Variants in MECOM observed in about 807,000 individuals in gnomAD.
The protein encoded by MECOM is histone-lysine N-methyltransferase MECOM.
A neutral mutation model predicts 116.3 loss-of-function variants in MECOM; 13 were observed. The ratio of observed to expected loss-of-function variants is 0.11; its 90% CI spans 0.07 to 0.18. The LOEUF (loss-of-function observed/expected upper bound fraction) is 0.18. Ranked by LOEUF, MECOM falls within the 10% of genes least tolerant of loss-of-function variation. The pLI, the probability that MECOM is intolerant of heterozygous loss-of-function variation, is 1.00. For synonymous variants in MECOM, 528 were observed against 535.2 expected (o/e 0.99, Z 0.19); for missense variants, 1,299 against 1,509.0 (o/e 0.86, Z 2.31).
chr3:169,603,946 G>A (rs969678088), intron 1 of MECOM, among the ~76,000 whole-genome samples: 1 of 152,194 alleles, frequency 6.6e-6, no homozygotes, highest in Non-Finnish European at 1.5e-5. Flanking sequence ...TCTGTAGAGA[G>A]TCTGAAGAAG....
chr3:169,550,255 A>G (rs946474619), intron 1 of MECOM, among the ~76,000 whole-genome samples: 1 of 152,230 alleles, frequency 6.6e-6, no homozygotes, highest in African/African-American at 2.4e-5. Flanking sequence ...TTCCAGGCCA[A>G]GATACCCCAT....
chr3:169,095,010 A>C (rs1378551354), intron 13 of MECOM, 66 bp downstream of exon 13: 2 of 1,325,500 alleles, frequency 1.5e-6, no homozygotes, highest in East Asian at 5.0e-5. Flanking sequence ...AGATCACATT[A>C]TCTTATTATC....
At chr3:169,425,180 C>A (rs902899322) in intron 1 of MECOM, among the ~76,000 whole-genome samples, 1 of 150,564 alleles carries the variant, frequency 6.6e-6, no homozygotes, top group Non-Finnish European at 1.5e-5. Flanking sequence ...AAATCTAATT[C>A]TCCTGTCTCA....
intron 1 of MECOM, among the ~76,000 whole-genome samples, chr3:169,426,613 T>C (rs1426948130): frequency 6.6e-6 from 1 of 152,252 alleles, no homozygotes; most frequent in Non-Finnish European, 1.5e-5. Context: ...CAATGAATAG[T>C]TTTCTGCACT....
At chr3:169,474,376 C>T (rs558190798) in intron 1 of MECOM, among the ~76,000 whole-genome samples, 10 of 152,188 alleles carry the variant, frequency 6.6e-5, no homozygotes, top group East Asian at 3.9e-4. Context: ...TTTCAATATA[C>T]GGTTTATTAA....
chr3:169,646,434 C>G (rs1036069477), intron 1 of MECOM, among the ~76,000 whole-genome samples: 6 of 151,856 alleles, frequency 4.0e-5, no homozygotes, highest in African/African-American at 1.5e-4. Context: ...GCACGTTGTG[C>G]ACAGGTACCC....
At chr3:169,185,521 A>G (rs1006289009) in intron 2 of MECOM, among the ~76,000 whole-genome samples, 6 of 152,334 alleles carry the variant, frequency 3.9e-5, no homozygotes, top group African/African-American at 1.2e-4. Flanking sequence ...TTGAGGAGAT[A>G]GAGACAAACA....
intron 1 of MECOM, among the ~76,000 whole-genome samples, chr3:169,617,791 G>A (rs1386504974): frequency 6.6e-6 from 1 of 152,170 alleles, no homozygotes; most frequent in Non-Finnish European, 1.5e-5. Context: ...TTTAGCCAAA[G>A]AATGGGTAGC....
intron 1 of MECOM, among the ~76,000 whole-genome samples, chr3:169,573,888 T>C (rs59190093): frequency 0.023 from 3,539 of 152,320 alleles, 159 homozygotes; most frequent in African/African-American, 0.081. Flanking sequence ...AAATGCTGCA[T>C]GTTCTGCATT....
At position 169,084,293 on chromosome 3, in the gene MECOM, T is replaced by A. The variant is rs1716993068; in HGVS notation, c.*616A>T. On this transcript the variant is annotated 3_prime_UTR_variant, in exon 17 of 17. Transcript: ENST00000651503. ...TCTTTGAGTGTTAACATCCATAGTT[T>A]ACAATATACACATACCCTTTTTCCC... The A allele has an allele frequency of 4.3e-6, 1 of 231,060 alleles. No homozygotes were observed. The highest frequency in any genetic ancestry group is 8.6e-6 in the Non-Finnish European group (1 of 116,706). 14.3% of individuals were successfully genotyped at this position (231,060 alleles called of 1,614,324 possible). A position where few individuals can be genotyped will look rare whatever the true frequency, so the allele number is the denominator to read the frequency against.
intron 1 of MECOM, among the ~76,000 whole-genome samples, chr3:169,515,338 C>T (rs1168199013): frequency 6.6e-6 from 1 of 152,174 alleles, no homozygotes; most frequent in Non-Finnish European, 1.5e-5. Context: ...AGCTAGCCAA[C>T]TCCTGTGGGG....
At chr3:169,270,381 CTG>C (rs1048357307) in intron 2 of MECOM, among the ~76,000 whole-genome samples, 1 of 151,912 alleles carries the variant, frequency 6.6e-6, no homozygotes, top group African/African-American at 2.4e-5. Context: ...ATATCTATAT[CTG>C]TATCTATCTA....
chr3:169,593,507 A>G (rs1403617727), intron 1 of MECOM, among the ~76,000 whole-genome samples: 1 of 152,178 alleles, frequency 6.6e-6, no homozygotes, highest in Non-Finnish European at 1.5e-5. Context: ...CCCATGACAT[A>G]TTAGCATGTG....
chr3:169,372,641 C>T (rs1730335215), intron 2 of MECOM, among the ~76,000 whole-genome samples: 1 of 151,980 alleles, frequency 6.6e-6, no homozygotes. Flanking sequence ...TAATAATTGG[C>T]TTTTGCCCTA....
At chr3:169,284,492 C>T (rs867249787) in intron 2 of MECOM, among the ~76,000 whole-genome samples, 1 of 151,732 alleles carries the variant, frequency 6.6e-6, no homozygotes, top group African/African-American at 2.4e-5. Context: ...AATAATTAGG[C>T]CTCTCTCACA....
At chr3:169,096,156 A>G (rs567208669) in intron 12 of MECOM, among the ~76,000 whole-genome samples, 41 of 152,094 alleles carry the variant, frequency 2.7e-4, no homozygotes, top group Non-Finnish European at 4.7e-4. Context: ...TTAGTAATTG[A>G]GAAGGTATTG....
At chr3:169,294,870 C>G (rs1197649650) in intron 2 of MECOM, among the ~76,000 whole-genome samples, 1 of 152,128 alleles carries the variant, frequency 6.6e-6, no homozygotes, top group Non-Finnish European at 1.5e-5. Flanking sequence ...GGCTTATATT[C>G]ATGCTCTTGC....
chr3:169,332,593 C>A (rs57602114), intron 2 of MECOM, among the ~76,000 whole-genome samples: 7,599 of 152,116 alleles, frequency 0.05, 539 homozygotes, highest in African/African-American at 0.15. Context: ...AAAATACAAT[C>A]GACTTTACTA....
intron 1 of MECOM, among the ~76,000 whole-genome samples, chr3:169,598,656 G>A (rs897870602): frequency 1.3e-5 from 2 of 152,190 alleles, no homozygotes; most frequent in Non-Finnish European, 2.9e-5. Context: ...ATAAAGGGGG[G>A]TAATGATACT....
Sources: gnomAD v4.1 joint callset for allele counts (sites outside exome capture counted in the v4.1 genomes callset) on GRCh38, gnomAD v4.1.1 for gene constraint, MANE v1.5 for transcripts, NCBI Gene and HGNC (gene_info 2026-07-23, HGNC 2026-07-21) for gene names.